TFPT: variants seen among roughly 807,000 people sequenced by gnomAD.
TFPT encodes TCF3 fusion partner.
Under a neutral mutation model 28.8 loss-of-function variants are expected in TFPT, and 27 were observed. The observed-to-expected ratio is 0.94, with a 90% CI of 0.69 to 1.29. The LOEUF is 1.29. TFPT is among the 50% of genes most tolerant of loss of function. The pLI is 0.00. For missense variants in TFPT, 330 were observed against 338.0 expected (o/e 0.98, Z 0.19); for synonymous variants, 152 against 142.8 (o/e 1.06, Z -0.46).
rs781740615 is a variant in TFPT at position 54,114,455 on chromosome 19, C to A, written c.269G>T (p.Arg90Leu). The change falls in exon 2 of 6, where the codon CGG becomes CTG. Residue 90 changes from arginine (R) to leucine (L), a missense_variant. Coordinates refer to ENST00000391759, the MANE Select transcript of TFPT (RefSeq NM_013342.4). ...GCACTCACCTACCTGCTCGATCTCC[C>A]GGCAGCGCCGACCTAGTGCCTGGTA... The part of the protein sequence containing the change: ...RKYQALGRRC[R>L]EIEQVNERVL... 5.0e-6 allele frequency: 8 copies of A among 1,613,040 alleles called. No homozygotes were observed. In the South Asian group the frequency reaches 5.5e-5, roughly 11 times the overall value.
chr19:54,107,129 G>A lies in TFPT; in HGVS notation c.683C>T (p.Ala228Val), dbSNP rs767423431. Residue 228 changes from alanine (A) to valine (V), a missense_variant, in exon 6 of 6, where the codon GCC (alanine) becomes GTC (valine). Ala to Val is a moderately conservative substitution (Grantham distance 64). Coordinates refer to ENST00000391759, the MANE Select transcript of TFPT (RefSeq NM_013342.4). Reference sequence around the variant, plus strand: ...CCGAGAAACCCAACTGGAATCCAGGGCCTCATCTGCTTCAAAGCCAAAGTC... The same window carrying A: ...CCGAGAAACCCAACTGGAATCCAGGACCTCATCTGCTTCAAAGCCAAAGTC... ...EEDFGFEADEALDSSWVSRGP... is the reference protein window; with the variant it reads ...EEDFGFEADEVLDSSWVSRGP... 2 of 1,613,928 alleles carry A rather than the reference G, an allele frequency of 1.2e-6. No homozygotes were observed. Among genetic ancestry groups the A allele is most frequent in the Admixed American group, 3.3e-5 (2 of 59,980 alleles).
chr19:54,115,168 A>G, intron 1 of TFPT, 79 bp downstream of exon 1: 1 of 1,605,910 alleles, frequency 6.2e-7, no homozygotes, highest in East Asian at 2.2e-5. Flanking sequence ...CCTCAGCGTA[A>G]AAGCTCATAT....
chr19:54,114,934 C>T (rs2073578807), intron 1 of TFPT: 1 of 687,374 alleles, frequency 1.5e-6, no homozygotes. Context: ...CCCTGACCCC[C>T]TCCTCCCAGG....
chr19:54,109,527 A>G lies in TFPT; in HGVS notation c.353+524T>C, dbSNP rs889548784. ...GCTCCAGTTTTGCTGGTACAGGGACACTGCGAGTGGCAGGGGCAGCAGCCA... is the reference window on the plus strand; with the variant it reads ...GCTCCAGTTTTGCTGGTACAGGGACGCTGCGAGTGGCAGGGGCAGCAGCCA... On this transcript the variant is annotated intron_variant, in intron 3 of 5. Coordinates refer to ENST00000391759, the MANE Select transcript of TFPT (RefSeq NM_013342.4). Among the ~76,000 whole-genome samples, 5 of 152,070 alleles carry G rather than the reference A, an allele frequency of 3.3e-5. No homozygotes were observed. The South Asian group carries it at 8.3e-4, about 25-fold the overall frequency.
At chr19:54,109,661 T>G (rs2073385727) in intron 3 of TFPT, among the ~76,000 whole-genome samples, 2 of 152,080 alleles carry the variant, frequency 1.3e-5, no homozygotes, top group African/African-American at 4.8e-5. Flanking sequence ...CTGCCCTTAG[T>G]TGATAGGAAA....
intron 2 of TFPT, among the ~76,000 whole-genome samples, chr19:54,112,970 G>A (rs1055653456): frequency 5.3e-5 from 8 of 151,794 alleles, no homozygotes; most frequent in African/African-American, 1.9e-4. Context: ...GCGGGCGCCT[G>A]TAATCCCAGC....
In TFPT at chr19:54,115,601, G is replaced by A. The variant is rs1365334011; in HGVS notation, c.-332C>T. Reference sequence around the variant, plus strand: ...GCAGGATCGGTCCACAGCGGGACGTGAGTCCCTTTCCTCCTCGCGGCTTAC... The same window carrying A: ...GCAGGATCGGTCCACAGCGGGACGTAAGTCCCTTTCCTCCTCGCGGCTTAC... On this transcript the variant is annotated 5_prime_UTR_variant, in exon 1 of 6. Coordinates refer to ENST00000391759, the MANE Select transcript of TFPT (RefSeq NM_013342.4). The A allele has an allele frequency of 6.4e-6, 3 of 471,492 alleles. No individual in the cohort carries two copies. Among genetic ancestry groups the A allele is most frequent in the East Asian group, 6.8e-5 (2 of 29,208 alleles). The allele number at this position is 471,492 out of a possible 1,614,324, so 29.2% of individuals were successfully genotyped here. A position where few individuals can be genotyped will look rare whatever the true frequency, so the allele number is the denominator to read the frequency against.
At chr19:54,114,852 C>T (rs78558230) in intron 1 of TFPT, 152 bp from the exon 2 acceptor site, 133,178 of 1,138,690 alleles carry the variant, frequency 0.12, 8,704 homozygotes, top group Admixed American at 0.2. Flanking sequence ...GAATCCAGCT[C>T]CCAGCCCTCC....
At chr19:54,109,981 A>C in intron 3 of TFPT, 70 bp downstream of exon 3, 3 of 1,499,442 alleles carry the variant, frequency 2.0e-6, no homozygotes, top group Non-Finnish European at 2.8e-6. Context: ...TGGAAGTGGG[A>C]GAGACAGAGG....
chr19:54,115,448 C>T lies in TFPT; in HGVS notation c.-179G>A. 2.7e-6 allele frequency: 2 copies of T among 753,546 alleles called. No individual in the cohort carries two copies. Among genetic ancestry groups the T allele is most frequent in the East Asian group, 2.7e-5 (1 of 37,516 alleles). 46.7% of individuals were successfully genotyped at this position (753,546 alleles called of 1,614,324 possible). On this transcript the variant is annotated 5_prime_UTR_variant, in exon 1 of 6. It adds an upstream start codon to the 5' untranslated region. Transcript: ENST00000391759. ...CCGGCTTCGCTTCGGCCCACCCCCACGTCCACCCCGAATCCCTGCTTAAAG... is the reference window on the plus strand; with the variant it reads ...CCGGCTTCGCTTCGGCCCACCCCCATGTCCACCCCGAATCCCTGCTTAAAG...
At chr19:54,107,985 T>G (rs1330476504) in intron 5 of TFPT, 41 bp downstream of exon 5, 4 of 1,504,780 alleles carry the variant, frequency 2.7e-6, no homozygotes, top group East Asian at 2.3e-5. Context: ...GCGCCGGCTC[T>G]GGAGCCCCAG....
Position 54,115,355 on chromosome 19 carries a change from A to G in TFPT, c.-86T>C. On this transcript the variant is annotated 5_prime_UTR_variant, in exon 1 of 6. It removes an upstream start codon present in the reference 5' UTR. Coordinates refer to ENST00000391759, the MANE Select transcript of TFPT (RefSeq NM_013342.4). ...AGCCGTTCGCAAAACTACTTGTCCC[A>G]TCAGGCTCAGCAGCCGAGGACGGCG... 1.9e-6 allele frequency: 3 copies of G among 1,598,876 alleles called. No individual in the cohort carries two copies. In the South Asian group the frequency reaches 3.3e-5, roughly 18 times the overall value.
At chr19:54,108,900 T>A (rs1168455875) in intron 3 of TFPT, 2 of 294,012 alleles carry the variant, frequency 6.8e-6, no homozygotes, top group Non-Finnish European at 1.3e-5. Context: ...GGCAGGTTTG[T>A]TGTTGTTGTT....
intron 5 of TFPT, chr19:54,107,612 A>G (rs1410862151): frequency 7.4e-6 from 2 of 269,274 alleles, no homozygotes; most frequent in African/African-American, 4.4e-5. Context: ...AGGCAATCCC[A>G]GTGTTCCTGG....
intron 2 of TFPT, among the ~76,000 whole-genome samples, chr19:54,111,404 G>A (rs775212296): frequency 1.3e-5 from 2 of 150,796 alleles, no homozygotes; most frequent in Non-Finnish European, 2.9e-5. Flanking sequence ...TTGGCCGGAT[G>A]TTGTGGCACA....
At position 54,111,425 on chromosome 19, in the gene TFPT, C is replaced by G. The variant is rs10425442; in HGVS notation, c.283-1304G>C. ...GGATGTTGTGGCACATGCCTGTAAT[C>G]TCAGCTACTCAAGAGTTTGAGGTCG... On this transcript the variant is annotated intron_variant, in intron 2 of 5. Coordinates refer to ENST00000391759, the MANE Select transcript of TFPT (RefSeq NM_013342.4). Among the ~76,000 whole-genome samples the G allele has an allele frequency of 6.6e-5, 10 of 150,464 alleles. No homozygotes were observed. In the East Asian group the frequency reaches 1.8e-3, roughly 27 times the overall value.
intron 2 of TFPT, among the ~76,000 whole-genome samples, chr19:54,112,063 C>T (rs917276864): frequency 2.6e-5 from 4 of 151,904 alleles, no homozygotes; most frequent in Admixed American, 1.3e-4. Context: ...GCCAGGAGTT[C>T]GACACCAGCC....
chr19:54,115,327 T>G lies in TFPT; in HGVS notation c.-58A>C. On this transcript the variant is annotated 5_prime_UTR_variant, in exon 1 of 6. It removes the in-frame stop codon of an upstream open reading frame in the 5' UTR. Coordinates refer to ENST00000391759, the MANE Select transcript of TFPT (RefSeq NM_013342.4). ...GCTTCCGACCTCTTCAATCTGTAGG[T>G]TAAGCCGTTCGCAAAACTACTTGTC... The G allele has an allele frequency of 6.2e-7, 1 of 1,613,182 alleles. No homozygotes were observed. Among genetic ancestry groups the G allele is most frequent in the Non-Finnish European group, 8.5e-7 (1 of 1,179,860 alleles).
intron 2 of TFPT, among the ~76,000 whole-genome samples, chr19:54,110,504 A>G (rs254269): frequency 0.033 from 5,019 of 152,216 alleles, 348 homozygotes; most frequent in East Asian, 0.29. Flanking sequence ...AGGCGAGTAG[A>G]TCCCCTGAGG....
Sources: gnomAD v4.1 joint callset for allele counts (sites outside exome capture counted in the v4.1 genomes callset) on GRCh38, gnomAD v4.1.1 for gene constraint, MANE v1.5 for transcripts, NCBI Gene and HGNC (gene_info 2026-07-23, HGNC 2026-07-21) for gene names.